Variants in PSD3 observed in about 807,000 individuals in gnomAD.
PSD3 encodes the protein PH and SEC7 domain-containing protein 3.
PSD3 carries 49 observed loss-of-function variants against 105.5 expected under a neutral mutation model. That is an observed-to-expected ratio of 0.46 (90% CI 0.37 to 0.59). The LOEUF (loss-of-function observed/expected upper bound fraction) is 0.59. Ranked by LOEUF, PSD3 falls within the 20% of genes least tolerant of loss-of-function variation. The pLI is 0.00. For missense variants in PSD3, 1,561 were observed against 1,263.8 expected (o/e 1.24, Z -3.57); for synonymous variants, 557 against 457.8 (o/e 1.22, Z -2.77).
intron 4 of PSD3, 116 bp downstream of exon 4, chr8:18,867,558 C>T (rs893447811): frequency 5.3e-6 from 7 of 1,312,906 alleles, no homozygotes; most frequent in East Asian, 4.9e-5. Context: ...ACATCATTTG[C>T]TTATGTCCAC....
chr8:18,830,710 A>C (rs1813614893), intron 4 of PSD3, among the ~76,000 whole-genome samples: 1 of 151,992 alleles, frequency 6.6e-6, no homozygotes, highest in South Asian at 2.1e-4. Flanking sequence ...CATAACCCGA[A>C]CTCCACCCCT....
intron 4 of PSD3, among the ~76,000 whole-genome samples, chr8:18,813,201 A>G (rs1370122015): frequency 6.6e-6 from 1 of 152,196 alleles, no homozygotes; most frequent in East Asian, 1.9e-4. Context: ...CCCTGACTTA[A>G]AAGCTGGTGG....
At position 18,889,080 on chromosome 8, in the gene PSD3, G is replaced by T. The variant is rs375826111; in HGVS notation, c.131-16347C>A. 5.3e-5 allele frequency among the ~76,000 whole-genome samples: 8 copies of T among 151,560 alleles called. No individual in the cohort carries two copies. The East Asian group carries it at 9.7e-4, about 18-fold the overall frequency. On this transcript the variant is annotated intron_variant, in intron 2 of 15. Transcript: ENST00000327040. Reference sequence around the variant, plus strand: ...GTTTTCCAAATGTCTATAGCATATCGCATTAGGCTTTAGTTAACACTTACT... The same window carrying T: ...GTTTTCCAAATGTCTATAGCATATCTCATTAGGCTTTAGTTAACACTTACT...
intron 1 of PSD3, among the ~76,000 whole-genome samples, chr8:19,040,915 CAGGG>C (rs1828102180): frequency 6.6e-6 from 1 of 152,068 alleles, no homozygotes; most frequent in Non-Finnish European, 1.5e-5. Context: ...TTATTTGAGA[CAGGG>C]TCTCACTCTG....
intron 4 of PSD3, among the ~76,000 whole-genome samples, chr8:18,806,653 T>A (rs1811230404): frequency 6.6e-6 from 1 of 152,110 alleles, no homozygotes; most frequent in Admixed American, 6.6e-5. Context: ...CATGCTGCTT[T>A]GTTGTTGTTG....
chr8:19,027,418 T>A (rs1453269588), intron 1 of PSD3, among the ~76,000 whole-genome samples: 1 of 152,084 alleles, frequency 6.6e-6, no homozygotes, highest in African/African-American at 2.4e-5. Flanking sequence ...CAGAGAAAAA[T>A]TTTTGCCTTC....
intron 4 of PSD3, among the ~76,000 whole-genome samples, chr8:18,858,773 C>T (rs1459993034): frequency 6.6e-6 from 1 of 152,212 alleles, no homozygotes; most frequent in Non-Finnish European, 1.5e-5. Flanking sequence ...AATTCAGTCA[C>T]ATCTTAAGGC....
chr8:18,562,072 TGA>T (rs1801423975), intron 14 of PSD3, among the ~76,000 whole-genome samples: 1 of 151,986 alleles, frequency 6.6e-6, no homozygotes, highest in Non-Finnish European at 1.5e-5. Flanking sequence ...GGAGGAAGAA[TGA>T]GAGAGAAGGC....
intron 12 of PSD3, among the ~76,000 whole-genome samples, chr8:18,587,424 T>A (rs1585312655): frequency 1.8e-5 from 1 of 56,402 alleles, no homozygotes; most frequent in Middle Eastern, 8.5e-3. Context: ...GAAACATAAT[T>A]TTTTTCATCA....
chr8:18,596,926 G>T (rs1353764294), intron 12 of PSD3, among the ~76,000 whole-genome samples: 1 of 152,058 alleles, frequency 6.6e-6, no homozygotes, highest in Non-Finnish European at 1.5e-5. Context: ...TTCTCAAACT[G>T]TTCCAAAAAA....
intron 11 of PSD3, among the ~76,000 whole-genome samples, chr8:18,614,810 T>TTTA (rs1554523092): frequency 1.3e-5 from 2 of 149,500 alleles, no homozygotes; most frequent in African/African-American, 4.9e-5. Flanking sequence ...TTTTTTGTTT[T>TTTA]GTTTTCATAG....
rs1824662629 is a variant in PSD3, at chr8:18,971,703, G to A, written c.22-35561C>T. ...AATAGGATTCGGAGGGTCCCTTCCT[G>A]TTCTAAAATACTATAAACAGGCCAG... On this transcript the variant is annotated intron_variant, in intron 1 of 15. Transcript: ENST00000327040. Among the ~76,000 whole-genome samples the A allele has an allele frequency of 2.6e-5, 4 of 152,226 alleles. No individual in the cohort carries two copies. The South Asian group carries it at 8.3e-4, about 32-fold the overall frequency.
intron 1 of PSD3, among the ~76,000 whole-genome samples, chr8:18,986,293 C>T (rs984116107): frequency 2.0e-5 from 3 of 152,092 alleles, no homozygotes; most frequent in African/African-American, 4.8e-5. Context: ...ATTGTTTTCG[C>T]CCCTTGGTGT....
chr8:18,813,705 C>T (rs905030539), intron 4 of PSD3, among the ~76,000 whole-genome samples: 4 of 152,288 alleles, frequency 2.6e-5, no homozygotes, highest in Middle Eastern at 3.4e-3. Context: ...CAAACACTGG[C>T]TCCAGTGGTC....
At chr8:19,064,998 A>C (rs1829029521) in intron 1 of PSD3, among the ~76,000 whole-genome samples, 1 of 152,220 alleles carries the variant, frequency 6.6e-6, no homozygotes, top group Non-Finnish European at 1.5e-5. Flanking sequence ...CACATAATTA[A>C]ACTAAACTTT....
intron 10 of PSD3, among the ~76,000 whole-genome samples, chr8:18,637,891 C>T (rs1300052409): frequency 6.6e-6 from 1 of 152,110 alleles, no homozygotes; most frequent in South Asian, 2.1e-4. Context: ...AGCATGGTGG[C>T]TCATGCCTGT....
chr8:18,592,212 T>G (rs1038368889), intron 12 of PSD3, among the ~76,000 whole-genome samples: 4 of 152,118 alleles, frequency 2.6e-5, no homozygotes, highest in Admixed American at 2.6e-4. Context: ...AAATAGATAT[T>G]TTCAAGCTGA....
At chr8:18,786,692 G>A (rs1193976916) in intron 8 of PSD3, 1 of 152,214 alleles carries the variant, frequency 6.6e-6, no homozygotes, top group African/African-American at 2.4e-5. Flanking sequence ...CCAATAGACT[G>A]TACCTTAATT....
chr8:18,759,092 A>ACACT (rs756248977), intron 9 of PSD3, among the ~76,000 whole-genome samples: 5 of 143,864 alleles, frequency 3.5e-5, no homozygotes, highest in African/African-American at 1.0e-4. Flanking sequence ...ACACACACAC[A>ACACT]CTCTCTCTCT....
Sources: gnomAD v4.1 joint callset for allele counts (sites outside exome capture counted in the v4.1 genomes callset) on GRCh38, gnomAD v4.1.1 for gene constraint, MANE v1.5 for transcripts, NCBI Gene and HGNC (gene_info 2026-07-23, HGNC 2026-07-21) for gene names.